NR3C1: variants seen among roughly 807,000 people sequenced by gnomAD.
NR3C1 encodes the protein nuclear receptor subfamily 3 group C member 1.
NR3C1 carries 14 observed loss-of-function variants against 74.0 expected under a neutral mutation model. The observed-to-expected ratio is 0.19, with a 90% CI of 0.12 to 0.30. The LOEUF is 0.30. NR3C1 is among the 10% of genes least tolerant of loss of function. The pLI is 1.00. For synonymous variants in NR3C1, 308 were observed against 332.5 expected, an observed-to-expected ratio of 0.93 and a Z score of 0.80; for missense variants, 695 against 909.8, an observed-to-expected ratio of 0.76 and a Z score of 3.04.
chr5:143,403,530 C>T lies in NR3C1; in HGVS notation c.-333G>A, dbSNP rs1180269491. 6 of 985,416 alleles carry T rather than the reference C, an allele frequency of 6.1e-6. No homozygotes were observed. In the African/African-American group the frequency reaches 1.0e-4, roughly 17 times the overall value. 61.0% of individuals were successfully genotyped at this position (985,416 alleles called of 1,614,324 possible). On this transcript the variant is annotated 5_prime_UTR_variant, in exon 1 of 9. Transcript: ENST00000394464. Reference sequence around the variant, plus strand: ...GGCGTCTCCTTCCACCCACAGAATCCGTCCCCGACGGGCAGGCGGTGACTC... The same window carrying T: ...GGCGTCTCCTTCCACCCACAGAATCTGTCCCCGACGGGCAGGCGGTGACTC...
chr5:143,313,769 C>T (rs1821470969), intron 3 of NR3C1, among the ~76,000 whole-genome samples: 1 of 152,076 alleles, frequency 6.6e-6, no homozygotes, highest in African/African-American at 2.4e-5. Flanking sequence ...CCTTATGCTC[C>T]CTGACCAAAC....
intron 2 of NR3C1, among the ~76,000 whole-genome samples, 159 bp downstream of exon 2, chr5:143,399,497 A>C (rs2151938712): frequency 6.6e-6 from 1 of 152,370 alleles, no homozygotes; most frequent in South Asian, 2.1e-4. Context: ...GATGTCACTT[A>C]GGTTGTCTAC....
intron 1 of NR3C1, among the ~76,000 whole-genome samples, chr5:143,425,492 C>G (rs543212389): frequency 1.3e-5 from 2 of 151,992 alleles, no homozygotes; most frequent in African/African-American, 4.8e-5. Flanking sequence ...CAGTAAAGGT[C>G]TAGATCTAGA....
At chr5:143,404,195 G>A, upstream of NR3C1, 1 of 985,468 alleles carries the variant, frequency 1.0e-6, no homozygotes, top group Non-Finnish European at 1.2e-6. Context: ...AGCTGCGTGA[G>A]TGGCCCGCGC....
In NR3C1 at chr5:143,314,104, G is replaced by T. The variant is rs947490453; in HGVS notation, c.1249C>A (p.Pro417Thr). The change falls in exon 3 of 9, where the codon CCT (proline) becomes ACT (threonine). Residue 417 changes from proline (P) to threonine (T), a missense_variant. Transcript: ENST00000394464. ...SSSSTATTGP[P>T]PKLCLVCSDE... ...GAGCACACCAGGCAGAGTTTGGGAG[G>T]TGGTCCTGTTGTTGCTGTTGAGGAG... 1 of 1,613,700 alleles carries T rather than the reference G, an allele frequency of 6.2e-7. No homozygotes were observed. The highest frequency in any genetic ancestry group is 1.7e-5 in the Admixed American group (1 of 59,982).
chr5:143,357,135 T>C (rs950305227), intron 2 of NR3C1, among the ~76,000 whole-genome samples: 2 of 152,174 alleles, frequency 1.3e-5, no homozygotes, highest in Admixed American at 6.5e-5. Context: ...CAACTGTAAA[T>C]AGGTTGAAAG....
At chr5:143,315,416 G>GAC (rs1821864456) in intron 2 of NR3C1, among the ~76,000 whole-genome samples, 1 of 151,972 alleles carries the variant, frequency 6.6e-6, no homozygotes, top group Admixed American at 6.6e-5. Context: ...CATGGATGCT[G>GAC]GCAACCTGTT....
At chr5:143,325,406 C>G (rs1824367805) in intron 2 of NR3C1, among the ~76,000 whole-genome samples, 1 of 152,174 alleles carries the variant, frequency 6.6e-6, no homozygotes, top group African/African-American at 2.4e-5. Flanking sequence ...ATTAGCTCCC[C>G]CTGGGTCCCT....
intron 2 of NR3C1, among the ~76,000 whole-genome samples, 195 bp from the exon 3 acceptor site, chr5:143,314,363 T>C (rs889767352): frequency 1.9e-4 from 29 of 152,146 alleles, no homozygotes; most frequent in African/African-American, 6.0e-4. Flanking sequence ...AAGAATGAGG[T>C]CATTTCTTTT....
chr5:143,292,968 C>T (rs1007424757), intron 7 of NR3C1, among the ~76,000 whole-genome samples: 8 of 152,148 alleles, frequency 5.3e-5, no homozygotes, highest in African/African-American at 1.9e-4. Flanking sequence ...TTGTGATTTT[C>T]AGTACCTACA....
intron 1 of NR3C1, among the ~76,000 whole-genome samples, chr5:143,425,639 A>G (rs1368134569): frequency 6.6e-6 from 1 of 152,220 alleles, no homozygotes; most frequent in African/African-American, 2.4e-5. Context: ...ATCATTATTC[A>G]TTACAGAAAT....
Position 143,279,257 on chromosome 5 carries a change from A to T in NR3C1, c.*2632T>A. On this transcript the variant is annotated 3_prime_UTR_variant, in exon 9 of 9. Coordinates refer to ENST00000394464, the MANE Select transcript of NR3C1 (RefSeq NM_000176.3). Reference sequence around the variant, plus strand: ...TCCCATTTAATGAAAAGCCTCCTATAGTTGTCGATGAGCATCAGTTGACTT... The same window carrying T: ...TCCCATTTAATGAAAAGCCTCCTATTGTTGTCGATGAGCATCAGTTGACTT... The T allele has an allele frequency of 7.8e-7, 1 of 1,285,728 alleles. No homozygotes were observed. The highest frequency in any genetic ancestry group is 1.5e-5 in the African/African-American group (1 of 65,090). 79.6% of individuals were successfully genotyped at this position (1,285,728 alleles called of 1,614,324 possible).
intron 1 of NR3C1, among the ~76,000 whole-genome samples, chr5:143,430,012 G>A (rs1440345732): frequency 6.6e-6 from 1 of 151,620 alleles, no homozygotes; most frequent in Non-Finnish European, 1.5e-5. Flanking sequence ...AGCCTGGGAG[G>A]TGGAGGTTGC....
At chr5:143,378,077 C>A (rs78611163) in intron 2 of NR3C1, among the ~76,000 whole-genome samples, 1 of 115,460 alleles carries the variant, frequency 8.7e-6, no homozygotes, top group African/African-American at 2.9e-5. Flanking sequence ...GAGCACTACC[C>A]TGTCTCTACA....
intron 2 of NR3C1, among the ~76,000 whole-genome samples, chr5:143,318,685 C>A (rs1263035930): frequency 2.6e-5 from 4 of 152,006 alleles, no homozygotes; most frequent in African/African-American, 7.3e-5. Flanking sequence ...GCCAAATACC[C>A]AAGGCTGAAA....
At position 143,324,082 on chromosome 5, in the gene NR3C1, G is replaced by A. The variant is rs141344918; in HGVS notation, c.1185-9914C>T. Among the ~76,000 whole-genome samples the A allele has an allele frequency of 4.2e-3, 637 of 152,322 alleles. 2 individuals are homozygous for A. Among genetic ancestry groups the A allele is most frequent in the African/African-American group, 0.015 (609 of 41,568 alleles). On this transcript the variant is annotated intron_variant, in intron 2 of 8. Coordinates refer to ENST00000394464, the MANE Select transcript of NR3C1 (RefSeq NM_000176.3). ...CTTTTCCAGGTACATGGTGCAAGTTGTTGGTGGATCTACCATTCTGGGGTC... is the reference window on the plus strand; with the variant it reads ...CTTTTCCAGGTACATGGTGCAAGTTATTGGTGGATCTACCATTCTGGGGTC...
chr5:143,347,710 A>G (rs1165766355), intron 2 of NR3C1, among the ~76,000 whole-genome samples: 4 of 152,262 alleles, frequency 2.6e-5, no homozygotes, highest in Non-Finnish European at 5.9e-5. Context: ...ACACCAAGGG[A>G]TAAGTATCAT....
rs10482685 is a variant in NR3C1 at position 143,297,639 on chromosome 5, C to G, written c.1892+1029G>C. 3.6e-3 allele frequency among the ~76,000 whole-genome samples: 546 copies of G among 152,262 alleles called. 4 individuals are homozygous for G. The highest frequency in any genetic ancestry group is 0.013 in the African/African-American group (521 of 41,546). On this transcript the variant is annotated intron_variant, in intron 6 of 8. Transcript: ENST00000394464. ...TTCTGTTTTCTATACAAACAGAAAT[C>G]TCCTTCATTTTTTATTCTTCTTAGA...
chr5:143,405,378 T>C (rs1841049463), upstream of NR3C1: 11 of 983,742 alleles, frequency 1.1e-5, no homozygotes, highest in Non-Finnish European at 1.3e-5. Flanking sequence ...TGCTCTGACA[T>C]CTTGAAGACG....
Sources: gnomAD v4.1 joint callset for allele counts (sites outside exome capture counted in the v4.1 genomes callset) on GRCh38, gnomAD v4.1.1 for gene constraint, MANE v1.5 for transcripts, NCBI Gene and HGNC (gene_info 2026-07-23, HGNC 2026-07-21) for gene names.